Variants in NAV1 observed in about 807,000 individuals in gnomAD.
NAV1 encodes the protein pore membrane and/or filament interacting like protein 3.
In NAV1, 18 loss-of-function variants were observed where a neutral mutation model predicts 175.2. The observed-to-expected ratio is 0.10, with a 90% CI of 0.07 to 0.15. The LOEUF (loss-of-function observed/expected upper bound fraction) is 0.15, where lower values mean the gene tolerates loss of function less well. Ranked by LOEUF, NAV1 falls within the 10% of genes least tolerant of loss-of-function variation. NAV1 has a pLI of 1.00. For synonymous variants in NAV1, 897 were observed against 978.7 expected (o/e 0.92, Z 1.56); for missense variants, 1,731 against 2,436.6 (o/e 0.71, Z 6.10).
At position 201,714,000 on chromosome 1, in the gene NAV1, C is replaced by T. The variant is rs181672741; in HGVS notation, c.860+1081C>T. On this transcript the variant is annotated intron_variant, in intron 2 of 29. Transcript: ENST00000367296. ...ATATTTTGTTATTATTTTTAAAGAC[C>T]GAGTCTCATTCTGTCGCCCACTGCC... is the stretch of plus-strand genomic sequence containing the variant. Among the ~76,000 whole-genome samples the T allele has an allele frequency of 1.3e-3, 195 of 152,132 alleles. 1 individual carries two copies. Among genetic ancestry groups the T allele is most frequent in the South Asian group, 9.3e-3 (45 of 4,822 alleles).
intron 2 of NAV1, among the ~76,000 whole-genome samples, chr1:201,613,860 A>C (rs149212713): frequency 6.6e-6 from 1 of 152,212 alleles, no homozygotes; most frequent in Non-Finnish European, 1.5e-5. Flanking sequence ...AGGCTCAATA[A>C]TAATAATAAT....
At chr1:201,766,679 T>C (rs2102653299) in intron 3 of NAV1, among the ~76,000 whole-genome samples, 2 of 152,320 alleles carry the variant, frequency 1.3e-5, no homozygotes, top group Middle Eastern at 3.4e-3. Flanking sequence ...ACCGTAGCTT[T>C]CTCAGGTCAT....
chr1:201,824,825 G>C (rs1027377196), exon 30 of NAV1: 1 of 152,156 alleles, frequency 6.6e-6, no homozygotes, highest in Non-Finnish European at 1.5e-5. Context: ...GAACTTGTTA[G>C]AAACGAAAAT....
intron 1 of NAV1, among the ~76,000 whole-genome samples, chr1:201,709,063 C>T (rs992142217): frequency 6.6e-6 from 1 of 151,046 alleles, no homozygotes; most frequent in Non-Finnish European, 1.5e-5. Flanking sequence ...GTGGGAGAAT[C>T]GCTCAAAACC....
intron 2 of NAV1, among the ~76,000 whole-genome samples, chr1:201,607,741 C>T (rs951771715): frequency 1.1e-4 from 17 of 152,184 alleles, no homozygotes; most frequent in Non-Finnish European, 2.1e-4. Flanking sequence ...ATCCACCCAC[C>T]TCGGCCTCCC....
chr1:201,583,846 G>GCC (rs1666941362), intron 1 of NAV1, among the ~76,000 whole-genome samples: 1 of 152,172 alleles, frequency 6.6e-6, no homozygotes, highest in Non-Finnish European at 1.5e-5. Context: ...TGGTGCCTGG[G>GCC]GGAGAGGAGC....
intron 1 of NAV1, among the ~76,000 whole-genome samples, chr1:201,707,505 G>T (rs1334004735): frequency 1.3e-5 from 2 of 152,202 alleles, no homozygotes; most frequent in South Asian, 2.1e-4. Context: ...TGGGAAGGGG[G>T]CAGTACCAGG....
At chr1:201,555,613 G>A (rs995079300) in intron 1 of NAV1, among the ~76,000 whole-genome samples, 1 of 151,976 alleles carries the variant, frequency 6.6e-6, no homozygotes, top group Non-Finnish European at 1.5e-5. Context: ...ACCCTGGAAA[G>A]TCCCAAGCAT....
chr1:201,549,493 G>A (rs11577777), intron 1 of NAV1, among the ~76,000 whole-genome samples: 2,577 of 152,286 alleles, frequency 0.017, 30 homozygotes, highest in Middle Eastern at 0.048. Flanking sequence ...ACAGGCATGC[G>A]CCAACGCGCC....
At chr1:201,726,919 T>G (rs932030153) in intron 3 of NAV1, among the ~76,000 whole-genome samples, 1 of 152,208 alleles carries the variant, frequency 6.6e-6, no homozygotes, top group Non-Finnish European at 1.5e-5. Context: ...ATACCACAGA[T>G]GGGCAGAGCC....
intron 3 of NAV1, among the ~76,000 whole-genome samples, chr1:201,736,383 C>T (rs1253720330): frequency 6.6e-6 from 1 of 152,208 alleles, no homozygotes; most frequent in African/African-American, 2.4e-5. Flanking sequence ...AACTGCTTCT[C>T]AAGTCTTTCC....
upstream of NAV1, among the ~76,000 whole-genome samples, chr1:201,622,216 T>C (rs556670917): frequency 2.1e-5 from 3 of 140,394 alleles, no homozygotes; most frequent in East Asian, 2.1e-4. Context: ...CCAGTGACTA[T>C]GGGGGTGGGG....
chr1:201,647,626 C>T (rs895242895), upstream of NAV1, among the ~76,000 whole-genome samples: 16 of 152,146 alleles, frequency 1.1e-4, no homozygotes, highest in African/African-American at 3.9e-4. Flanking sequence ...CCCCTTCTCT[C>T]CAAGCCACCC....
rs1553247043 is a variant in NAV1, at chr1:201,642,517, C to CTTTCTTTCTTTCTTTCTTTCTTTCTT, written c.5-6110_5-6109insCTTTCTTTCTTTCTTTCTTTTTCTTT. Among the ~76,000 whole-genome samples the CTTTCTTTCTTTCTTTCTTTCTTTCTT allele has an allele frequency of 2.8e-3, 327 of 118,462 alleles. 9 individuals are homozygous for CTTTCTTTCTTTCTTTCTTTCTTTCTT. The highest frequency in any genetic ancestry group is 0.011 in the African/African-American group (306 of 27,376). The allele number at this position is 118,462 out of a possible 152,430, so 77.7% of individuals were successfully genotyped here. ...GTGAGCCACCGCACCCGGCCTCTTT[C>CTTTCTTTCTTTCTTTCTTTCTTTCTT]TTTCTTTTTTTCTTTCTTTCTTTCT... On this transcript the variant is annotated intron_variant, in intron 2 of 29. Transcript: ENST00000367302.
At chr1:201,726,122 G>A (rs1470297846) in intron 3 of NAV1, among the ~76,000 whole-genome samples, 1 of 152,180 alleles carries the variant, frequency 6.6e-6, no homozygotes, top group Non-Finnish European at 1.5e-5. Flanking sequence ...ACATAGCCTT[G>A]GCTGATGCTT....
At chr1:201,577,595 ATTT>A (rs1227662329) in intron 1 of NAV1, among the ~76,000 whole-genome samples, 1 of 148,924 alleles carries the variant, frequency 6.7e-6, no homozygotes, top group African/African-American at 2.5e-5. Context: ...AGTTGGGCAT[ATTT>A]GTGTGGGTCT....
At position 201,794,410 on chromosome 1, in the gene NAV1, G is replaced by A. The variant is rs539035152; in HGVS notation, c.3406-56G>A. 15 of 1,523,006 alleles carry A rather than the reference G, an allele frequency of 9.8e-6. No homozygotes were observed. The South Asian group carries it at 1.5e-4, about 16-fold the overall frequency. 94.3% of individuals were successfully genotyped at this position (1,523,006 alleles called of 1,614,324 possible). Reference sequence around the variant, plus strand: ...CCCACCTCGGCCTCCCAAAGTGCTGGGATTATAGGTGTGAGCCACCGTGCC... The same window carrying A: ...CCCACCTCGGCCTCCCAAAGTGCTGAGATTATAGGTGTGAGCCACCGTGCC... On this transcript the variant is annotated intron_variant, in intron 14 of 29. Transcript: ENST00000367296.
At position 201,813,631 on chromosome 1, in the gene NAV1, T is replaced by C. The variant is rs1050451159; in HGVS notation, c.5340+373T>C. ...CTACTTACTACTAATAAGTATGTTA[T>C]ATTAACCAAGTTACTTGACCTTTTT... On this transcript the variant is annotated intron_variant, in intron 28 of 29. Transcript: ENST00000367296. The surrounding 1 kb of genome is among the most constrained non-coding windows in gnomAD (Gnocchi z 4.2). Among the ~76,000 whole-genome samples, 2 of 151,874 alleles carry C rather than the reference T, an allele frequency of 1.3e-5. No homozygotes were observed. The highest frequency in any genetic ancestry group is 4.8e-5 in the African/African-American group (2 of 41,388).
chr1:201,655,371 C>T (rs1477627899), intron 1 of NAV1, among the ~76,000 whole-genome samples: 3 of 152,256 alleles, frequency 2.0e-5, no homozygotes, highest in Non-Finnish European at 4.4e-5. Context: ...TGACCTCCCC[C>T]CACACCCTGT....
Sources: allele counts gnomAD v4.1 joint callset (sites outside exome capture counted in the v4.1 genomes callset), GRCh38; gene constraint gnomAD v4.1.1; non-coding constraint Gnocchi (gnomAD v3.1); transcripts MANE v1.5; gene names NCBI Gene and HGNC (gene_info 2026-07-23, HGNC 2026-07-21).